TAFA2: variants seen among roughly 807,000 people sequenced by gnomAD.
The protein encoded by TAFA2 is TAFA chemokine like family member 2, also known as chemokine-like protein TAFA-2.
In TAFA2, 7 loss-of-function variants were observed where a neutral mutation model predicts 18.8. That is an observed-to-expected ratio of 0.37 (90% CI 0.21 to 0.70). The LOEUF is 0.70. TAFA2 is among the 30% of genes least tolerant of loss of function. The pLI is 0.53. For synonymous variants in TAFA2, 60 were observed against 54.2 expected (o/e 1.11, Z -0.47); for missense variants, 122 against 158.1 (o/e 0.77, Z 1.23).
chr12:62,181,990 T>TCCC (rs71893210), intron 1 of TAFA2, among the ~76,000 whole-genome samples: 18,453 of 135,516 alleles, frequency 0.14, 1,511 homozygotes, highest in African/African-American at 0.21. Context: ...CTCAAGTCCA[T>TCCC]CCCCCCCCCG....
chr12:61,854,887 A>G (rs2061205), intron 2 of TAFA2, among the ~76,000 whole-genome samples: 22,670 of 152,162 alleles, frequency 0.15, 2,035 homozygotes, highest in African/African-American at 0.23. Flanking sequence ...AACAATGAAG[A>G]TATATCAGAC....
chr12:62,167,164 T>C (rs971469761), intron 1 of TAFA2, among the ~76,000 whole-genome samples: 3 of 152,146 alleles, frequency 2.0e-5, no homozygotes, highest in Admixed American at 6.5e-5. Context: ...TATATATTTT[T>C]CTTAAATTAT....
intron 1 of TAFA2, among the ~76,000 whole-genome samples, chr12:61,915,637 T>C (rs1204977380): frequency 2.0e-5 from 3 of 152,094 alleles, no homozygotes; most frequent in Non-Finnish European, 2.9e-5. Flanking sequence ...GGGAAGCCAA[T>C]TGTGTAACTC....
chr12:62,006,414 G>C (rs1343025099), intron 1 of TAFA2, among the ~76,000 whole-genome samples: 3 of 152,026 alleles, frequency 2.0e-5, no homozygotes, highest in Non-Finnish European at 4.4e-5. Context: ...ATCCGAAATA[G>C]AGTAGCCTAC....
rs570084624 is a variant in TAFA2, at chr12:61,980,428, A to G, written c.-1-113002T>C. On this transcript the variant is annotated intron_variant, in intron 1 of 4. Coordinates refer to ENST00000416284, the MANE Select transcript of TAFA2 (RefSeq NM_178539.5). ...AAGGATGCCCTCTCTCACCGCTCCT[A>G]TTCAACAAAGTATTGGAAGTTCTGG... Among the ~76,000 whole-genome samples the G allele has an allele frequency of 7.2e-5, 11 of 152,284 alleles. No homozygotes were observed. In the East Asian group the frequency reaches 2.1e-3, roughly 29 times the overall value.
chr12:62,066,405 T>C (rs1052252234), intron 1 of TAFA2, among the ~76,000 whole-genome samples: 3 of 151,766 alleles, frequency 2.0e-5, no homozygotes, highest in Non-Finnish European at 3.0e-5. Context: ...TTTCTAACAA[T>C]TTTTTGTACC....
intron 1 of TAFA2, among the ~76,000 whole-genome samples, chr12:61,947,816 G>A (rs1371595349): frequency 6.6e-6 from 1 of 152,156 alleles, no homozygotes; most frequent in Non-Finnish European, 1.5e-5. Flanking sequence ...GCAAGGGTGT[G>A]CAATTTGGTT....
intron 1 of TAFA2, among the ~76,000 whole-genome samples, chr12:62,211,400 G>A (rs1158135119): frequency 2.0e-5 from 3 of 152,070 alleles, no homozygotes; most frequent in Non-Finnish European, 4.4e-5. Flanking sequence ...CTAACATGGT[G>A]AAACCCTATC....
At chr12:62,157,814 T>C (rs1400746515) in intron 1 of TAFA2, among the ~76,000 whole-genome samples, 1 of 152,178 alleles carries the variant, frequency 6.6e-6, no homozygotes, top group Admixed American at 6.5e-5. Context: ...TTATCTGTCA[T>C]ATCTTAACTG....
At chr12:61,848,956 C>A (rs923782125) in intron 2 of TAFA2, among the ~76,000 whole-genome samples, 1 of 151,418 alleles carries the variant, frequency 6.6e-6, no homozygotes, top group Admixed American at 6.6e-5. Context: ...ATTCTCCTGC[C>A]TCAGCCTCCT....
chr12:61,983,957 C>G (rs751570449), intron 1 of TAFA2, among the ~76,000 whole-genome samples: 2 of 152,090 alleles, frequency 1.3e-5, no homozygotes, highest in Non-Finnish European at 2.9e-5. Context: ...ATCGCTCATT[C>G]TCTCACCTCA....
chr12:62,042,457 C>T (rs1042911448), intron 1 of TAFA2, among the ~76,000 whole-genome samples: 1 of 150,324 alleles, frequency 6.7e-6, no homozygotes, highest in South Asian at 2.1e-4. Context: ...GTGTGACATG[C>T]ATAATGCAAG....
At chr12:62,193,933 A>G (rs2062637775), upstream of TAFA2, among the ~76,000 whole-genome samples, 1 of 152,236 alleles carries the variant, frequency 6.6e-6, no homozygotes, top group South Asian at 2.1e-4. Flanking sequence ...AGTTGAAATC[A>G]TTTAAAACAA....
chr12:62,030,569 G>A (rs571337693), intron 1 of TAFA2, among the ~76,000 whole-genome samples: 14 of 152,292 alleles, frequency 9.2e-5, no homozygotes, highest in African/African-American at 3.4e-4. Context: ...ATGAAGTATG[G>A]TTGTAAGTGG....
chr12:61,848,756 A>G (rs997048279), intron 2 of TAFA2, among the ~76,000 whole-genome samples: 4 of 151,848 alleles, frequency 2.6e-5, no homozygotes, highest in African/African-American at 9.7e-5. Flanking sequence ...TTATAATAGT[A>G]TTATCAGTAA....
chr12:61,948,307 G>A (rs1878350872), intron 1 of TAFA2, among the ~76,000 whole-genome samples: 1 of 152,150 alleles, frequency 6.6e-6, no homozygotes, highest in South Asian at 2.1e-4. Context: ...TCAAAGCCAA[G>A]ATGAAAATTC....
At chr12:62,211,110 C>T (rs1179890457) in intron 1 of TAFA2, among the ~76,000 whole-genome samples, 1 of 152,158 alleles carries the variant, frequency 6.6e-6, no homozygotes, top group African/African-American at 2.4e-5. Flanking sequence ...GGATTTACTA[C>T]ACATTTAATT....
At chr12:61,909,389 AG>A (rs1253808829) in intron 1 of TAFA2, among the ~76,000 whole-genome samples, 1 of 152,230 alleles carries the variant, frequency 6.6e-6, no homozygotes, top group Non-Finnish European at 1.5e-5. Flanking sequence ...CATCTAGGTT[AG>A]GAAATACACA....
intron 1 of TAFA2, among the ~76,000 whole-genome samples, chr12:61,912,202 G>C (rs543124179): frequency 1.3e-5 from 2 of 152,262 alleles, no homozygotes; most frequent in South Asian, 4.1e-4. Flanking sequence ...AACCAGGGTG[G>C]GGATTCAAAG....
Sources: gnomAD v4.1 joint callset for allele counts (sites outside exome capture counted in the v4.1 genomes callset) on GRCh38, gnomAD v4.1.1 for gene constraint, MANE v1.5 for transcripts, NCBI Gene and HGNC (gene_info 2026-07-23, HGNC 2026-07-21) for gene names.